KLF7: variants seen among roughly 807,000 people sequenced by gnomAD.
KLF7 encodes the protein Krueppel-like factor 7.
In KLF7, 2 loss-of-function variants were observed where a neutral mutation model predicts 27.3. That is an observed-to-expected ratio of 0.07 (90% CI 0.03 to 0.23). The LOEUF is 0.23. KLF7 is among the 10% of genes least tolerant of loss of function. KLF7 has a pLI of 1.00. For synonymous variants in KLF7, 165 were observed against 162.4 expected (o/e 1.02, Z -0.12); for missense variants, 221 against 394.1 (o/e 0.56, Z 3.72).
chr2:207,087,026 A>G (rs2076404429), intron 3 of KLF7, among the ~76,000 whole-genome samples: 1 of 152,222 alleles, frequency 6.6e-6, no homozygotes, highest in Non-Finnish European at 1.5e-5. Flanking sequence ...ATGGAAATAG[A>G]AGGAAGATGG....
intron 2 of KLF7, among the ~76,000 whole-genome samples, chr2:207,105,817 C>A (rs2076870967): frequency 6.6e-6 from 1 of 152,188 alleles, no homozygotes; most frequent in Non-Finnish European, 1.5e-5. Context: ...AGGACTTAAA[C>A]AGACCTGCAC....
At chr2:207,166,967 G>T (rs1161155143), upstream of KLF7, 10 of 705,186 alleles carry the variant, frequency 1.4e-5, no homozygotes, top group Non-Finnish European at 1.8e-5. Context: ...TCCCTCCCGC[G>T]CCTCCTTCTG....
chr2:207,114,854 A>G (rs2077136091), intron 2 of KLF7, among the ~76,000 whole-genome samples: 1 of 152,214 alleles, frequency 6.6e-6, no homozygotes, highest in Non-Finnish European at 1.5e-5. Flanking sequence ...AGCTTTTATC[A>G]TTTTTAGCTC....
At chr2:207,091,121 C>G (rs1000931849) in intron 2 of KLF7, among the ~76,000 whole-genome samples, 1 of 152,158 alleles carries the variant, frequency 6.6e-6, no homozygotes, top group East Asian at 1.9e-4. Flanking sequence ...CAGGCAACCA[C>G]ATTCTGAAGG....
intron 2 of KLF7, among the ~76,000 whole-genome samples, chr2:207,102,778 G>C (rs2076797040): frequency 1.3e-5 from 2 of 152,118 alleles, no homozygotes; most frequent in African/African-American, 4.8e-5. Flanking sequence ...CTTATCCCTA[G>C]GTAAGAGTAT....
At chr2:207,123,482 T>C (rs752514625) in intron 2 of KLF7, among the ~76,000 whole-genome samples, 4 of 152,216 alleles carry the variant, frequency 2.6e-5, no homozygotes, top group Non-Finnish European at 2.9e-5. Flanking sequence ...GACAAGTGTC[T>C]GTGTCACAAA....
chr2:207,144,782 G>A (rs2078049921), intron 1 of KLF7, among the ~76,000 whole-genome samples: 1 of 152,212 alleles, frequency 6.6e-6, no homozygotes, highest in African/African-American at 2.4e-5. Flanking sequence ...CAGTCATGCA[G>A]ATCAAGTAAA....
chr2:207,164,821 C>T (rs1014782095), intron 1 of KLF7, among the ~76,000 whole-genome samples: 4 of 152,168 alleles, frequency 2.6e-5, no homozygotes, highest in Non-Finnish European at 5.9e-5. Flanking sequence ...GGAGGGATCA[C>T]ACTGGGAAAA....
At chr2:207,132,915 C>G (rs777122286) in intron 1 of KLF7, among the ~76,000 whole-genome samples, 3 of 152,262 alleles carry the variant, frequency 2.0e-5, no homozygotes, top group Non-Finnish European at 2.9e-5. Context: ...AGAGGCTTCT[C>G]TAACTTGGTT....
At chr2:207,086,128 T>C (rs2076382907) in intron 3 of KLF7, among the ~76,000 whole-genome samples, 1 of 152,180 alleles carries the variant, frequency 6.6e-6, no homozygotes, top group East Asian at 1.9e-4. Flanking sequence ...TAGGGCAGTG[T>C]AATTGTTCAA....
chr2:207,126,261 C>A (rs1001100962), intron 1 of KLF7, among the ~76,000 whole-genome samples: 7 of 152,162 alleles, frequency 4.6e-5, no homozygotes, highest in African/African-American at 1.7e-4. Context: ...AGTCTTGGCT[C>A]CATTCAATTG....
chr2:207,114,542 C>A (rs1156968206), intron 2 of KLF7, among the ~76,000 whole-genome samples: 1 of 152,194 alleles, frequency 6.6e-6, no homozygotes, highest in Non-Finnish European at 1.5e-5. Context: ...CTCTTCTACA[C>A]TCAAATATGT....
At chr2:207,116,351 T>C (rs1041531954) in intron 2 of KLF7, among the ~76,000 whole-genome samples, 2 of 152,228 alleles carry the variant, frequency 1.3e-5, no homozygotes, top group Non-Finnish European at 2.9e-5. Flanking sequence ...TTTTCATCTG[T>C]CCTTATATTT....
intron 1 of KLF7, among the ~76,000 whole-genome samples, chr2:207,165,106 A>G (rs769292340): frequency 6.7e-6 from 1 of 149,490 alleles, no homozygotes; most frequent in Non-Finnish European, 1.5e-5. Flanking sequence ...GGTCCCTGTC[A>G]GCAATCGCTC....
intron 1 of KLF7, among the ~76,000 whole-genome samples, chr2:207,162,464 T>A (rs1482689369): frequency 6.6e-6 from 1 of 152,192 alleles, no homozygotes; most frequent in Non-Finnish European, 1.5e-5. Context: ...GCCGAGTGCT[T>A]AAGTATGCAG....
At chr2:207,126,121 C>G (rs2077470392) in intron 1 of KLF7, among the ~76,000 whole-genome samples, 1 of 152,202 alleles carries the variant, frequency 6.6e-6, no homozygotes, top group Non-Finnish European at 1.5e-5. Context: ...TGATGACCTT[C>G]TCAGGTCTAG....
At chr2:207,157,584 C>T (rs559444559) in intron 1 of KLF7, among the ~76,000 whole-genome samples, 40 of 152,298 alleles carry the variant, frequency 2.6e-4, no homozygotes, top group African/African-American at 9.6e-4. Flanking sequence ...AGTTTGGCCT[C>T]ATGCTATGTA....
intron 2 of KLF7, among the ~76,000 whole-genome samples, chr2:207,112,865 T>C (rs1445565591): frequency 2.0e-5 from 3 of 152,264 alleles, no homozygotes; most frequent in Admixed American, 6.5e-5. Context: ...ATTTGTTCAT[T>C]TGCCATGAGG....
chr2:207,117,619 A>G (rs144026834), intron 2 of KLF7, among the ~76,000 whole-genome samples: 10 of 152,192 alleles, frequency 6.6e-5, no homozygotes, highest in Non-Finnish European at 1.5e-4. Flanking sequence ...AATTCAAAGA[A>G]TTCTTATCTA....
Sources: gnomAD v4.1 joint callset for allele counts (sites outside exome capture counted in the v4.1 genomes callset) on GRCh38, gnomAD v4.1.1 for gene constraint, MANE v1.5 for transcripts, NCBI Gene and HGNC (gene_info 2026-07-23, HGNC 2026-07-21) for gene names.